The following GABRB2 variants were observed in gnomAD, a reference collection of about 807,000 sequenced individuals.
GABRB2 encodes the protein gamma-aminobutyric acid receptor subunit beta-2.
In GABRB2, 16 loss-of-function variants were observed where a neutral mutation model predicts 54.7. The ratio of observed to expected loss-of-function variants is 0.29; its 90% CI spans 0.20 to 0.44. The LOEUF (loss-of-function observed/expected upper bound fraction) is 0.44, where lower values mean the gene tolerates loss of function less well. GABRB2 is among the 20% of genes least tolerant of loss of function. The pLI is 1.00. For synonymous variants in GABRB2, 244 were observed against 233.8 expected (o/e 1.04, Z -0.40); for missense variants, 355 against 644.0 (o/e 0.55, Z 4.86).
Position 161,546,712 on chromosome 5 carries a change from A to C in GABRB2, c.-69T>G. On this transcript the variant is annotated 5_prime_UTR_variant, in exon 1 of 10. Transcript: ENST00000393959. Reference sequence around the variant, plus strand: ...AGATCCAACTTAGTCTGCCCAGTGCAGTAATTCTAATGTGAGGCGCATGCG... The same window carrying C: ...AGATCCAACTTAGTCTGCCCAGTGCCGTAATTCTAATGTGAGGCGCATGCG... 1 of 1,550,116 alleles carries C rather than the reference A, an allele frequency of 6.5e-7. No individual in the cohort carries two copies. The highest frequency in any genetic ancestry group is 1.4e-5 in the African/African-American group (1 of 73,220).
At chr5:161,400,602 C>A (rs1756155656) in intron 5 of GABRB2, among the ~76,000 whole-genome samples, 1 of 152,074 alleles carries the variant, frequency 6.6e-6, no homozygotes, top group Non-Finnish European at 1.5e-5. Flanking sequence ...GACACAATGT[C>A]GGTTTTTGAG....
chr5:161,483,084 A>G (rs1356692673), intron 3 of GABRB2, among the ~76,000 whole-genome samples: 1 of 152,056 alleles, frequency 6.6e-6, no homozygotes, highest in Non-Finnish European at 1.5e-5. Flanking sequence ...TACAGCAAAG[A>G]AATTTCTTAA....
intron 3 of GABRB2, among the ~76,000 whole-genome samples, chr5:161,468,751 C>T (rs900956079): frequency 1.3e-5 from 2 of 151,698 alleles, no homozygotes; most frequent in African/African-American, 4.8e-5. Context: ...TAAAAAACCC[C>T]CCAAATTATT....
At chr5:161,391,700 A>T (rs1359823581) in intron 5 of GABRB2, among the ~76,000 whole-genome samples, 2 of 152,222 alleles carry the variant, frequency 1.3e-5, no homozygotes, top group Non-Finnish European at 2.9e-5. Flanking sequence ...ATGTAAGTAA[A>T]CATGTTTCAT....
rs143544523 is a variant in GABRB2, at chr5:161,348,448, T to A, written c.542-11679A>T. 5.9e-5 allele frequency among the ~76,000 whole-genome samples: 9 copies of A among 152,192 alleles called. No homozygotes were observed. The East Asian group carries it at 1.7e-3, about 29-fold the overall frequency. Reference sequence around the variant, plus strand: ...TTTGCTTCTACATTTATTTTCGAAATACCTTATTTCATTTAGCTCCTGGAA... The same window carrying A: ...TTTGCTTCTACATTTATTTTCGAAAAACCTTATTTCATTTAGCTCCTGGAA... On this transcript the variant is annotated intron_variant, in intron 5 of 9. Coordinates refer to ENST00000393959, the MANE Select transcript of GABRB2 (RefSeq NM_001371727.1).
chr5:161,405,656 G>A (rs1215246193), intron 5 of GABRB2, among the ~76,000 whole-genome samples: 6 of 151,982 alleles, frequency 3.9e-5, no homozygotes, highest in South Asian at 2.1e-4. Context: ...AGGTGCTATC[G>A]ACGTTTACCT....
At chr5:161,509,875 A>G (rs1004443622) in intron 3 of GABRB2, among the ~76,000 whole-genome samples, 2 of 151,928 alleles carry the variant, frequency 1.3e-5, no homozygotes, top group African/African-American at 4.8e-5. Flanking sequence ...CATGACCTGC[A>G]TGATCTTTCT....
At position 161,534,202 on chromosome 5, in the gene GABRB2, T is replaced by C. The variant is rs186163851; in HGVS notation, c.237+11025A>G. Among the ~76,000 whole-genome samples, 150 of 152,324 alleles carry C rather than the reference T, an allele frequency of 9.8e-4. 1 individual carries two copies. The highest frequency in any genetic ancestry group is 3.5e-3 in the African/African-American group (144 of 41,574). On this transcript the variant is annotated intron_variant, in intron 3 of 9. Coordinates refer to ENST00000393959, the MANE Select transcript of GABRB2 (RefSeq NM_001371727.1). Reference sequence around the variant, plus strand: ...ATTTGATAATTTTTGAAGACATTTTTGGTTTTCACCATTTCAGGGATGCCA... The same window carrying C: ...ATTTGATAATTTTTGAAGACATTTTCGGTTTTCACCATTTCAGGGATGCCA...
intron 3 of GABRB2, among the ~76,000 whole-genome samples, chr5:161,541,545 G>A (rs1332231197): frequency 1.3e-5 from 2 of 152,218 alleles, no homozygotes; most frequent in Non-Finnish European, 2.9e-5. Context: ...ATAAATTGCT[G>A]TAGCTTCTCC....
chr5:161,439,396 T>C (rs950921985), intron 4 of GABRB2, among the ~76,000 whole-genome samples: 2 of 152,056 alleles, frequency 1.3e-5, no homozygotes, highest in African/African-American at 4.8e-5. Flanking sequence ...ACAAGAAATG[T>C]TATAAGGAGT....
chr5:161,470,263 T>C (rs1758400388), intron 3 of GABRB2, among the ~76,000 whole-genome samples: 1 of 151,740 alleles, frequency 6.6e-6, no homozygotes, highest in Admixed American at 6.6e-5. Flanking sequence ...AGGGGAATAA[T>C]CTCCACAACT....
At chr5:161,494,535 A>G (rs1271122778) in intron 3 of GABRB2, among the ~76,000 whole-genome samples, 1 of 91,660 alleles carries the variant, frequency 1.1e-5, no homozygotes, top group Non-Finnish European at 2.4e-5. Context: ...ACTGTTAGGT[A>G]TGCGTGTGTG....
chr5:161,482,230 C>T (rs562715414), intron 3 of GABRB2, among the ~76,000 whole-genome samples: 1 of 151,988 alleles, frequency 6.6e-6, no homozygotes, highest in African/African-American at 2.4e-5. Flanking sequence ...TTGGTTTCAG[C>T]GATTTAGAAG....
At chr5:161,359,579 T>G (rs963285029) in intron 5 of GABRB2, among the ~76,000 whole-genome samples, 5 of 152,166 alleles carry the variant, frequency 3.3e-5, no homozygotes, top group African/African-American at 7.2e-5. Flanking sequence ...TAATACATGA[T>G]AACAAGAAGA....
rs549432917 is a variant in GABRB2 at position 161,542,595 on chromosome 5, G to A, written c.237+2632C>T. On this transcript the variant is annotated intron_variant, in intron 3 of 9. Coordinates refer to ENST00000393959, the MANE Select transcript of GABRB2 (RefSeq NM_001371727.1). ...TCTTTCTATCATTGTGATTTACAAG[G>A]AGCATCACACTGACATGGACATTTA... Among the ~76,000 whole-genome samples the A allele has an allele frequency of 1.2e-4, 19 of 152,254 alleles. No individual in the cohort carries two copies. The South Asian group carries it at 3.3e-3, about 27-fold the overall frequency.
chr5:161,526,428 A>G (rs1760283333), intron 3 of GABRB2, among the ~76,000 whole-genome samples: 1 of 151,440 alleles, frequency 6.6e-6, no homozygotes, highest in East Asian at 1.9e-4. Context: ...GTGTCAGTTA[A>G]GCTGTTTTAT....
At chr5:161,428,297 G>A (rs1426688232) in intron 4 of GABRB2, among the ~76,000 whole-genome samples, 1 of 151,188 alleles carries the variant, frequency 6.6e-6, no homozygotes. Flanking sequence ...ACGTGTGTGT[G>A]TGTGTGTGTG....
chr5:161,514,803 G>A (rs1226307304), intron 3 of GABRB2, among the ~76,000 whole-genome samples: 1 of 152,108 alleles, frequency 6.6e-6, no homozygotes, highest in Admixed American at 6.6e-5. Flanking sequence ...GCCTTCGCTT[G>A]AATTTTGAAT....
intron 5 of GABRB2, among the ~76,000 whole-genome samples, chr5:161,368,849 A>C (rs1483145654): frequency 6.6e-6 from 1 of 152,172 alleles, no homozygotes. Flanking sequence ...ATTTTAGTTA[A>C]TTGTCTTCTA....
Sources: gnomAD v4.1 joint callset for allele counts (sites outside exome capture counted in the v4.1 genomes callset) on GRCh38, gnomAD v4.1.1 for gene constraint, MANE v1.5 for transcripts, NCBI Gene and HGNC (gene_info 2026-07-23, HGNC 2026-07-21) for gene names.